MAGI2: variants seen among roughly 807,000 people sequenced by gnomAD.
MAGI2 encodes membrane associated guanylate kinase, WW and PDZ domain containing 2.
In MAGI2, 35 loss-of-function variants were observed where a neutral mutation model predicts 133.3. The observed-to-expected ratio is 0.26, with a 90% CI of 0.20 to 0.35. The LOEUF (loss-of-function observed/expected upper bound fraction) is 0.35. Ranked by LOEUF, MAGI2 falls within the 10% of genes least tolerant of loss-of-function variation. The pLI, the probability that MAGI2 is intolerant of heterozygous loss-of-function variation, is 1.00. For missense variants in MAGI2, 1,636 were observed against 1,863.4 expected (o/e 0.88, Z 2.25); for synonymous variants, 729 against 710.6 (o/e 1.03, Z -0.41).
intron 1 of MAGI2, among the ~76,000 whole-genome samples, chr7:79,065,939 T>C (rs1035739375): frequency 5.3e-5 from 8 of 152,212 alleles, no homozygotes. Context: ...ATGTGCCACA[T>C]TTTCTTTATC....
chr7:78,526,653 TC>T (rs757508756), intron 3 of MAGI2, among the ~76,000 whole-genome samples: 12 of 152,158 alleles, frequency 7.9e-5, no homozygotes, highest in Non-Finnish European at 1.0e-4. Context: ...ATGAACAGAT[TC>T]TTTTTTTCAT....
At chr7:78,320,434 C>T (rs1030309192) in intron 9 of MAGI2, among the ~76,000 whole-genome samples, 4 of 152,228 alleles carry the variant, frequency 2.6e-5, no homozygotes, top group Non-Finnish European at 4.4e-5. Flanking sequence ...ATGATTAAGT[C>T]GGCTTTGTCC....
intron 1 of MAGI2, among the ~76,000 whole-genome samples, chr7:79,037,781 C>A (rs1488785690): frequency 2.6e-5 from 4 of 152,180 alleles, no homozygotes; most frequent in African/African-American, 9.7e-5. Flanking sequence ...TAGTAATCTA[C>A]AGATATGCTC....
At chr7:79,413,728 C>G (rs1846298827) in intron 1 of MAGI2, 1 of 152,094 alleles carries the variant, frequency 6.6e-6, no homozygotes, top group South Asian at 2.1e-4. Flanking sequence ...TGCTTTCTTT[C>G]TTATTCCTTT....
At chr7:79,189,032 A>G (rs2191813) in intron 1 of MAGI2, among the ~76,000 whole-genome samples, 27,095 of 151,706 alleles carry the variant, frequency 0.18, 5,596 homozygotes, top group African/African-American at 0.49. Context: ...CCTCTTTTGG[A>G]CTTTTAAATT....
intron 3 of MAGI2, among the ~76,000 whole-genome samples, chr7:78,605,875 A>C (rs1014507710): frequency 6.6e-6 from 1 of 152,236 alleles, no homozygotes; most frequent in African/African-American, 2.4e-5. Context: ...GTACTCGAGC[A>C]GAAAAGTAGT....
At chr7:79,019,619 G>A (rs373283396) in intron 1 of MAGI2, among the ~76,000 whole-genome samples, 16 of 151,508 alleles carry the variant, frequency 1.1e-4, no homozygotes, top group Admixed American at 2.0e-4. Flanking sequence ...ATCTCAGCTC[G>A]CTTCCACTTC....
chr7:78,966,729 A>G (rs143913592), intron 2 of MAGI2, among the ~76,000 whole-genome samples: 1,620 of 152,086 alleles, frequency 0.011, 24 homozygotes, highest in African/African-American at 0.034. Flanking sequence ...TTCTCTTTCA[A>G]TCTTTCAAAG....
intron 4 of MAGI2, among the ~76,000 whole-genome samples, chr7:78,512,223 T>C (rs1332654703): frequency 6.6e-6 from 1 of 151,954 alleles, no homozygotes; most frequent in Non-Finnish European, 1.5e-5. Context: ...TTTGCAGATG[T>C]AAACAACCGC....
intron 2 of MAGI2, among the ~76,000 whole-genome samples, chr7:78,982,973 C>G (rs1366987323): frequency 6.6e-6 from 1 of 151,872 alleles, no homozygotes; most frequent in Non-Finnish European, 1.5e-5. Flanking sequence ...TGTGGTTAGT[C>G]TGACTTGAGC....
At chr7:79,377,585 CA>C (rs1435486638) in intron 1 of MAGI2, among the ~76,000 whole-genome samples, 1 of 151,768 alleles carries the variant, frequency 6.6e-6, no homozygotes, top group Non-Finnish European at 1.5e-5. Context: ...ACAGCAGTTA[CA>C]TGATGAAGTG....
At chr7:78,105,820 G>C (rs1166610691) in intron 20 of MAGI2, among the ~76,000 whole-genome samples, 2 of 151,472 alleles carry the variant, frequency 1.3e-5, no homozygotes, top group African/African-American at 2.4e-5. Context: ...GAGTAATTGG[G>C]GTATCAATCA....
chr7:78,272,710 C>T (rs1252163281), intron 9 of MAGI2, among the ~76,000 whole-genome samples: 3 of 152,094 alleles, frequency 2.0e-5, no homozygotes, highest in Non-Finnish European at 4.4e-5. Context: ...TTCTTTGTCT[C>T]TTTTGATCTT....
chr7:79,381,164 T>C (rs528547814), intron 1 of MAGI2, among the ~76,000 whole-genome samples: 1 of 151,844 alleles, frequency 6.6e-6, no homozygotes, highest in Non-Finnish European at 1.5e-5. Context: ...TGTAATCTTC[T>C]GGCAGTTAAT....
intron 2 of MAGI2, among the ~76,000 whole-genome samples, chr7:78,853,590 A>G (rs185624885): frequency 6.6e-6 from 1 of 151,714 alleles, no homozygotes; most frequent in East Asian, 2.0e-4. Flanking sequence ...TCCCGGACTC[A>G]AGCAATTCTC....
At position 79,117,822 on chromosome 7, in the gene MAGI2, G is replaced by C. The variant is rs572949103; in HGVS notation, c.302-110616C>G. On this transcript the variant is annotated intron_variant, in intron 1 of 21. Transcript: ENST00000354212. Reference sequence around the variant, plus strand: ...ATTTAACAATACTATAATGTACAGAGAGTAGTTAGCGGGGTGTACACACAT... The same window carrying C: ...ATTTAACAATACTATAATGTACAGACAGTAGTTAGCGGGGTGTACACACAT... Among the ~76,000 whole-genome samples, 11 of 152,308 alleles carry C rather than the reference G, an allele frequency of 7.2e-5. No individual in the cohort carries two copies. The East Asian group carries it at 2.1e-3, about 29-fold the overall frequency.
At chr7:79,336,568 G>A (rs750963188) in intron 1 of MAGI2, among the ~76,000 whole-genome samples, 1 of 152,032 alleles carries the variant, frequency 6.6e-6, no homozygotes, top group Non-Finnish European at 1.5e-5. Flanking sequence ...TCAGGATAGA[G>A]GAAATTCAAA....
chr7:79,433,707 C>T (rs1346422807), intron 1 of MAGI2, among the ~76,000 whole-genome samples: 3 of 151,936 alleles, frequency 2.0e-5, no homozygotes, highest in African/African-American at 7.3e-5. Flanking sequence ...ATTGTTGCCC[C>T]TAAGTAAATT....
intron 1 of MAGI2, among the ~76,000 whole-genome samples, chr7:79,389,223 A>T (rs1844426825): frequency 6.6e-6 from 1 of 152,178 alleles, no homozygotes; most frequent in South Asian, 2.1e-4. Context: ...TAACATTGAC[A>T]GATATCAAGG....
Sources: gnomAD v4.1 joint callset for allele counts (sites outside exome capture counted in the v4.1 genomes callset) on GRCh38, gnomAD v4.1.1 for gene constraint, MANE v1.5 for transcripts, NCBI Gene and HGNC (gene_info 2026-07-23, HGNC 2026-07-21) for gene names.